NKAIN3: variants seen among roughly 807,000 people sequenced by gnomAD.
NKAIN3 encodes sodium/potassium-transporting ATPase subunit beta-1-interacting protein 3.
In NKAIN3, 25 loss-of-function variants were observed where a neutral mutation model predicts 30.2. The ratio of observed to expected loss-of-function variants is 0.83; its 90% CI spans 0.60 to 1.16. The LOEUF is 1.16. Ranked by LOEUF, NKAIN3 falls within the 50% of genes most tolerant of loss-of-function variation. The probability of loss-of-function intolerance (pLI) is 0.00; values close to 1 mark genes in which losing one functional copy is unlikely to be tolerated. For missense variants in NKAIN3, 225 were observed against 254.1 expected (o/e 0.89, Z 0.78); for synonymous variants, 91 against 89.6 (o/e 1.02, Z -0.09).
intron 4 of NKAIN3, among the ~76,000 whole-genome samples, chr8:62,796,485 T>G (rs1817866213): frequency 6.6e-6 from 1 of 151,422 alleles, no homozygotes; most frequent in Non-Finnish European, 1.5e-5. Flanking sequence ...TCTAGATGAT[T>G]ACACTGCCCA....
intron 3 of NKAIN3, among the ~76,000 whole-genome samples, chr8:62,646,700 G>A (rs1053261210): frequency 3.9e-5 from 6 of 152,006 alleles, no homozygotes; most frequent in East Asian, 1.9e-4. Context: ...AATCACCATC[G>A]GCATCTTCTA....
At position 62,969,378 on chromosome 8, in the gene NKAIN3, T is replaced by C. The variant is rs1035647484; in HGVS notation, c.*3971T>C. Reference sequence around the variant, plus strand: ...CTGAAGAAAACAATCATGACTCTGCTAATTTGAGAAGCAAAAACCAAAATT... The same window carrying C: ...CTGAAGAAAACAATCATGACTCTGCCAATTTGAGAAGCAAAAACCAAAATT... On this transcript the variant is annotated 3_prime_UTR_variant, in exon 7 of 7. Transcript: ENST00000623646. Among the ~76,000 whole-genome samples, 2 of 152,232 alleles carry C rather than the reference T, an allele frequency of 1.3e-5. No individual in the cohort carries two copies. The highest frequency in any genetic ancestry group is 1.3e-4 in the Admixed American group (2 of 15,266).
chr8:62,616,271 G>A (rs925521792), intron 3 of NKAIN3, among the ~76,000 whole-genome samples: 5 of 152,010 alleles, frequency 3.3e-5, no homozygotes, highest in African/African-American at 4.8e-5. Context: ...ACAAGACTAC[G>A]CCTACATCTC....
chr8:62,582,277 C>T (rs1232307995), intron 2 of NKAIN3, among the ~76,000 whole-genome samples: 1 of 151,902 alleles, frequency 6.6e-6, no homozygotes, highest in African/African-American at 2.4e-5. Context: ...CTGTGTTTGG[C>T]CTTGTGTTAG....
At chr8:62,405,872 T>G (rs1383815090) in intron 1 of NKAIN3, among the ~76,000 whole-genome samples, 1 of 152,226 alleles carries the variant, frequency 6.6e-6, no homozygotes. Context: ...GCCATTCTCA[T>G]TTTAGAAGCT....
chr8:62,877,043 G>T (rs1282254440), intron 4 of NKAIN3, among the ~76,000 whole-genome samples: 1 of 151,532 alleles, frequency 6.6e-6, no homozygotes, highest in Admixed American at 6.6e-5. Context: ...CTGCCTTGAA[G>T]GGGTCAATTA....
intron 5 of NKAIN3, among the ~76,000 whole-genome samples, chr8:62,950,944 CTTTTTTTTTTTTT>C (rs71559384): frequency 9.9e-6 from 1 of 100,686 alleles, no homozygotes; most frequent in Middle Eastern, 6.1e-3. Flanking sequence ...AAACAGAATC[CTTTTTTTTTTTTT>C]TTTTTTTTTT....
At chr8:62,497,183 T>C (rs1266652606) in intron 1 of NKAIN3, among the ~76,000 whole-genome samples, 4 of 151,398 alleles carry the variant, frequency 2.6e-5, no homozygotes, top group Non-Finnish European at 4.4e-5. Flanking sequence ...TGATATATAT[T>C]TTAATTGCTA....
intron 4 of NKAIN3, among the ~76,000 whole-genome samples, chr8:62,877,859 G>A (rs892595617): frequency 6.6e-6 from 1 of 152,042 alleles, no homozygotes; most frequent in African/African-American, 2.4e-5. Flanking sequence ...TGACCAACAT[G>A]AAGAAACCCT....
At chr8:62,907,371 C>T (rs1024950946) in intron 4 of NKAIN3, among the ~76,000 whole-genome samples, 2 of 152,140 alleles carry the variant, frequency 1.3e-5, no homozygotes, top group Admixed American at 6.5e-5. Context: ...AGAAAATGTG[C>T]AGGCTGATGA....
At chr8:62,945,940 A>G (rs887417003) in intron 5 of NKAIN3, among the ~76,000 whole-genome samples, 1 of 152,204 alleles carries the variant, frequency 6.6e-6, no homozygotes, top group African/African-American at 2.4e-5. Flanking sequence ...TCCATTTTGC[A>G]TAGTATTGCT....
At chr8:62,590,662 A>G (rs534961083) in intron 3 of NKAIN3, among the ~76,000 whole-genome samples, 1 of 152,000 alleles carries the variant, frequency 6.6e-6, no homozygotes, top group Admixed American at 6.6e-5. Context: ...TGTGGCTTAG[A>G]TTTTAGAAAA....
At chr8:62,906,927 C>T (rs1439998506) in intron 4 of NKAIN3, among the ~76,000 whole-genome samples, 1 of 152,084 alleles carries the variant, frequency 6.6e-6, no homozygotes, top group Non-Finnish European at 1.5e-5. Context: ...GATGTATAAT[C>T]AACTTTGAAA....
At chr8:62,799,651 A>G (rs1376493830) in intron 4 of NKAIN3, among the ~76,000 whole-genome samples, 2 of 152,234 alleles carry the variant, frequency 1.3e-5, no homozygotes, top group Non-Finnish European at 2.9e-5. Flanking sequence ...TCCTTAAAGA[A>G]CTAAAAGTAA....
intron 4 of NKAIN3, among the ~76,000 whole-genome samples, chr8:62,873,386 C>T (rs1435944683): frequency 2.6e-5 from 4 of 151,190 alleles, no homozygotes; most frequent in African/African-American, 7.3e-5. Context: ...CACTATAATA[C>T]TGGGAGATTT....
chr8:62,640,520 G>T (rs772361543), intron 3 of NKAIN3, among the ~76,000 whole-genome samples: 5 of 152,084 alleles, frequency 3.3e-5, no homozygotes, highest in Admixed American at 2.0e-4. Flanking sequence ...GTGTGAGAAT[G>T]AACTAATACA....
intron 1 of NKAIN3, among the ~76,000 whole-genome samples, chr8:62,505,599 C>A (rs1467969690): frequency 6.6e-6 from 1 of 152,068 alleles, no homozygotes; most frequent in Non-Finnish European, 1.5e-5. Flanking sequence ...ATACTGGGGA[C>A]TTGCTAAATA....
At chr8:62,523,741 G>A (rs746182257) in intron 1 of NKAIN3, among the ~76,000 whole-genome samples, 1 of 152,094 alleles carries the variant, frequency 6.6e-6, no homozygotes, top group African/African-American at 2.4e-5. Flanking sequence ...AGACACCAGG[G>A]CTCTGAATAT....
At chr8:62,561,133 G>GT (rs1563457880) in intron 1 of NKAIN3, among the ~76,000 whole-genome samples, 1 of 151,930 alleles carries the variant, frequency 6.6e-6, no homozygotes, top group African/African-American at 2.4e-5. Flanking sequence ...GGGCTTTTTT[G>GT]TTTGCACTCA....
Sources: allele counts gnomAD v4.1 joint callset (sites outside exome capture counted in the v4.1 genomes callset), GRCh38; gene constraint gnomAD v4.1.1; transcripts MANE v1.5; gene names NCBI Gene and HGNC (gene_info 2026-07-23, HGNC 2026-07-21).